Variants in OR1J2 observed in about 807,000 individuals in gnomAD.
OR1J2 encodes olfactory receptor 1J2.
For missense variants in OR1J2, 304 were observed against 246.1 expected (o/e 1.24, Z -1.57); for synonymous variants, 142 against 99.7 (o/e 1.42, Z -2.52).
At chr9:122,563,829 A>G in the OR1J2 span, among the ~76,000 whole-genome samples, 1 of 152,042 alleles carries the variant, frequency 6.6e-6, no homozygotes, top group Non-Finnish European at 1.5e-5. Flanking sequence ...TTTTGCATAC[A>G]CATATTCAGT....
the OR1J2 span, among the ~76,000 whole-genome samples, chr9:122,532,418 CA>C: frequency 6.6e-6 from 1 of 151,888 alleles, no homozygotes; most frequent in African/African-American, 2.4e-5. Flanking sequence ...GGGTGAGAAA[CA>C]GGGAAGAAGG....
chr9:122,551,134 A>G, the OR1J2 span, among the ~76,000 whole-genome samples: 1 of 152,192 alleles, frequency 6.6e-6, no homozygotes, highest in East Asian at 1.9e-4. Context: ...TGAGAACCAA[A>G]TCAAGACCTC....
the OR1J2 span, among the ~76,000 whole-genome samples, chr9:122,539,951 T>C: frequency 6.6e-6 from 1 of 152,172 alleles, no homozygotes; most frequent in Non-Finnish European, 1.5e-5. Context: ...CACCCACTTT[T>C]TGATGGGGTT....
the OR1J2 span, among the ~76,000 whole-genome samples, chr9:122,536,142 C>T: frequency 6.6e-6 from 1 of 152,098 alleles, no homozygotes; most frequent in Non-Finnish European, 1.5e-5. Context: ...GGCTCAGAGG[C>T]CTGACAGTAT....
At chr9:122,520,109 A>G in the OR1J2 span, 1 of 1,528,970 alleles carries the variant, frequency 6.5e-7, no homozygotes. Flanking sequence ...TAACAGACAT[A>G]TGTACTGACC....
At chr9:122,477,535 T>C in the OR1J2 span, 1 of 1,614,046 alleles carries the variant, frequency 6.2e-7, no homozygotes, top group African/African-American at 1.3e-5. Context: ...GGTGGCATAA[T>C]GTAGAGGATG....
chr9:122,518,928 C>G, the OR1J2 span, among the ~76,000 whole-genome samples: 1 of 152,200 alleles, frequency 6.6e-6, no homozygotes, highest in Non-Finnish European at 1.5e-5. Flanking sequence ...TCTTCTATTT[C>G]AAACCCTCTA....
At chr9:122,457,692 A>C in the OR1J2 span, among the ~76,000 whole-genome samples, 1 of 152,164 alleles carries the variant, frequency 6.6e-6, no homozygotes, top group African/African-American at 2.4e-5. Context: ...ATCATGGACA[A>C]AGAACTAGAG....
At chr9:122,544,420 T>C in the OR1J2 span, among the ~76,000 whole-genome samples, 871 of 132,408 alleles carry the variant, frequency 6.6e-3, 9 homozygotes, top group Admixed American at 8.1e-3. Flanking sequence ...TTTTTCTTTT[T>C]TTTTTTTTTT....
chr9:122,466,333 G>A, the OR1J2 span, among the ~76,000 whole-genome samples: 3 of 152,246 alleles, frequency 2.0e-5, no homozygotes, highest in Admixed American at 1.3e-4. Context: ...ACCAGATTAC[G>A]ACTATTACAG....
rs138700932 is a variant in OR1J2, at chr9:122,511,083, T to A, written c.282T>A (p.Tyr94Ter). 8 of 1,177,024 alleles carry A rather than the reference T, an allele frequency of 6.8e-6. No individual in the cohort carries two copies. The highest frequency in any genetic ancestry group is 6.1e-5 in the African/African-American group (4 of 65,512). The allele number at this position is 1,177,024 out of a possible 1,614,324, so 72.9% of individuals were successfully genotyped here. A position where few individuals can be genotyped will look rare whatever the true frequency, so the allele number is the denominator to read the frequency against. ...GGACTAAGTACAAATCGATCCTCTA[T>A]GAGGAATGCATTTCTCAGATGTATT... ...DMRTKYKSILYEECISQMYFF... is the reference protein window; with the variant it reads ...DMRTKYKSIL Residue 94 changes from tyrosine (Y) to a stop codon, truncating the protein, a stop_gained, in exon 1 of 1, where the codon TAT (tyrosine) becomes TAA (stop). Transcript: ENST00000335302. LOFTEE classifies it low-confidence loss of function (END_TRUNC).
chr9:122,546,864 A>G, the OR1J2 span, among the ~76,000 whole-genome samples: 22 of 152,176 alleles, frequency 1.4e-4, no homozygotes, highest in African/African-American at 4.6e-4. Flanking sequence ...CGGGGGGTAC[A>G]TAGTGATGTT....
At chr9:122,526,685 G>A in the OR1J2 span, 22 of 1,614,054 alleles carry the variant, frequency 1.4e-5, no homozygotes, top group African/African-American at 5.3e-5. Context: ...CGATGAGTAC[G>A]GTGCCTCCCA....
upstream of OR1J2, among the ~76,000 whole-genome samples, chr9:122,510,558 AC>A (rs1828611804): frequency 6.6e-6 from 1 of 151,940 alleles, no homozygotes; most frequent in African/African-American, 2.4e-5. Flanking sequence ...ACATAGGTAA[AC>A]CTGTGCCATG....
At chr9:122,540,469 G>A in the OR1J2 span, among the ~76,000 whole-genome samples, 229 of 152,058 alleles carry the variant, frequency 1.5e-3, no homozygotes, top group Non-Finnish European at 1.6e-3. Flanking sequence ...TGTTCCATTG[G>A]TCTATATCTC....
chr9:122,449,112 G>C, the OR1J2 span: 1 of 152,012 alleles, frequency 6.6e-6, no homozygotes, highest in Non-Finnish European at 1.5e-5. Flanking sequence ...GACACAACAG[G>C]CTTCACCCAG....
chr9:122,481,521 G>A, the OR1J2 span, among the ~76,000 whole-genome samples: 13 of 152,026 alleles, frequency 8.6e-5, no homozygotes, highest in Non-Finnish European at 5.9e-5. Context: ...GAAAAGACAA[G>A]CTCAATTAAA....
the OR1J2 span, among the ~76,000 whole-genome samples, chr9:122,497,805 G>A: frequency 1.8e-4 from 28 of 152,230 alleles, no homozygotes; most frequent in African/African-American, 4.6e-4. Context: ...GGCATTTAGC[G>A]CTATAAACTT....
chr9:122,465,424 T>C, the OR1J2 span, among the ~76,000 whole-genome samples: 5 of 152,228 alleles, frequency 3.3e-5, no homozygotes, highest in African/African-American at 9.6e-5. Context: ...GTAATTATAA[T>C]CCTCCTGGGA....
Sources: allele counts gnomAD v4.1 joint callset (sites outside exome capture counted in the v4.1 genomes callset), GRCh38; gene constraint gnomAD v4.1.1; transcripts MANE v1.5; gene names NCBI Gene and HGNC (gene_info 2026-07-23, HGNC 2026-07-21).